Variants in AP1S3 observed in about 807,000 individuals in gnomAD.
AP1S3 encodes adaptor related protein complex 1 subunit sigma 3, also known as AP-1 complex subunit sigma-3.
A neutral mutation model predicts 20.9 loss-of-function variants in AP1S3; 10 were observed. The observed-to-expected ratio is 0.48, with a 90% CI of 0.29 to 0.81. The LOEUF is 0.81. Among genes scored for constraint, AP1S3 ranks in the 30% least tolerant of loss-of-function variants. AP1S3 has a pLI of 0.08. For synonymous variants in AP1S3, 41 were observed against 61.5 expected (o/e 0.67, Z 1.56); for missense variants, 154 against 183.8 (o/e 0.84, Z 0.94).
At position 223,798,266 on chromosome 2, in the gene AP1S3, A is replaced by G. The variant is rs565833746; in HGVS notation, c.4-20397T>C. ...GCCTTTTTCCTGAAATAAAATGTTG[A>G]AAAGACACTGGCCAACATATTTCAA... On this transcript the variant is annotated intron_variant, in intron 1 of 4. Transcript: ENST00000396654. Among the ~76,000 whole-genome samples the G allele has an allele frequency of 1.5e-4, 23 of 152,314 alleles. 1 individual carries two copies. In the South Asian group the frequency reaches 4.8e-3, roughly 32 times the overall value.
intron 1 of AP1S3, among the ~76,000 whole-genome samples, chr2:223,810,778 G>A (rs642611): frequency 2.6e-5 from 4 of 151,876 alleles, no homozygotes; most frequent in Non-Finnish European, 5.9e-5. Context: ...CAACAAATAC[G>A]TTGTGATGAA....
At chr2:223,825,746 G>A (rs908173267) in intron 1 of AP1S3, among the ~76,000 whole-genome samples, 1 of 152,162 alleles carries the variant, frequency 6.6e-6, no homozygotes, top group Non-Finnish European at 1.5e-5. Context: ...GCCGGCCATG[G>A]TGGCTCAGGC....
At chr2:223,817,029 G>A (rs895972983) in intron 1 of AP1S3, among the ~76,000 whole-genome samples, 11 of 152,172 alleles carry the variant, frequency 7.2e-5, no homozygotes, top group Non-Finnish European at 1.6e-4. Flanking sequence ...GGAGGCTGAG[G>A]CAGGAGAATC....
chr2:223,772,402 AAAAACTCCCTACATC>A (rs1044198485), intron 3 of AP1S3, among the ~76,000 whole-genome samples: 3 of 152,108 alleles, frequency 2.0e-5, no homozygotes, highest in African/African-American at 7.2e-5. Context: ...CAAACAAACA[AAAAACTCCCTACATC>A]AAATTCAAAA....
chr2:223,833,056 A>G (rs1257913148), intron 1 of AP1S3, among the ~76,000 whole-genome samples: 1 of 152,110 alleles, frequency 6.6e-6, no homozygotes, highest in African/African-American at 2.4e-5. Flanking sequence ...AAAGGGATCA[A>G]CATTTGAGTT....
In AP1S3 at chr2:223,790,432, G is replaced by A. The variant is rs1439602087; in HGVS notation, c.4-12563C>T. ...GTATTTTTAGCAGAGATGGGGTTTC[G>A]CCATGTTAGCCAGGCTGGTCTCAAA... On this transcript the variant is annotated intron_variant, in intron 1 of 4. Transcript: ENST00000396654. 2.6e-5 allele frequency among the ~76,000 whole-genome samples: 4 copies of A among 151,822 alleles called. No homozygotes were observed. In the East Asian group the frequency reaches 5.8e-4, roughly 22 times the overall value.
Position 223,758,508 on chromosome 2 carries a change from TA to T in AP1S3, c.*206del. 1 of 1,280,174 alleles carries T rather than the reference TA, an allele frequency of 7.8e-7. No homozygotes were observed. Among genetic ancestry groups the T allele is most frequent in the South Asian group, 2.9e-5 (1 of 34,170 alleles). The allele number at this position is 1,280,174 out of a possible 1,614,324, so 79.3% of individuals were successfully genotyped here. A position where few individuals can be genotyped will look rare whatever the true frequency, so the allele number is the denominator to read the frequency against. On this transcript the variant is annotated 3_prime_UTR_variant, in exon 5 of 5. Transcript: ENST00000396654. ...TAGAGCTACAAGTACCTATACAGTA[TA>T]ACACAGACACATAATTTTTTTTAAT...
intron 1 of AP1S3, among the ~76,000 whole-genome samples, chr2:223,789,055 T>G (rs1487153683): frequency 6.6e-6 from 1 of 152,118 alleles, no homozygotes; most frequent in Non-Finnish European, 1.5e-5. Flanking sequence ...AGCACCCTGC[T>G]TCTAACTATG....
chr2:223,759,274 G>A (rs146273178), intron 4 of AP1S3, among the ~76,000 whole-genome samples: 5,999 of 144,430 alleles, frequency 0.042, 291 homozygotes, highest in East Asian at 0.24. Context: ...GTGAGACTCC[G>A]TCTCAAAAAC....
chr2:223,821,388 C>T (rs946859569), intron 1 of AP1S3, among the ~76,000 whole-genome samples: 24 of 152,298 alleles, frequency 1.6e-4, no homozygotes, highest in Admixed American at 3.3e-4. Context: ...AACTCCTGAC[C>T]TCATGATCCA....
At chr2:223,765,411 C>A in intron 3 of AP1S3, 61 bp from the exon 4 acceptor site, 1 of 1,529,570 alleles carries the variant, frequency 6.5e-7, no homozygotes. Context: ...AAACATCTGC[C>A]CGAATCTCGA....
chr2:223,794,199 T>C (rs917741420), intron 1 of AP1S3, among the ~76,000 whole-genome samples: 4 of 152,094 alleles, frequency 2.6e-5, no homozygotes, highest in Non-Finnish European at 4.4e-5. Flanking sequence ...TTTTGAGAAA[T>C]AGCAACTAGC....
intron 1 of AP1S3, among the ~76,000 whole-genome samples, chr2:223,780,359 T>A (rs200143535): frequency 1.1e-3 from 124 of 112,454 alleles, no homozygotes; most frequent in South Asian, 1.2e-3. Flanking sequence ...AGAGAGAGAG[T>A]GTGTGTGTGT....
intron 1 of AP1S3, among the ~76,000 whole-genome samples, chr2:223,817,167 C>T (rs144301197): frequency 1.9e-3 from 288 of 152,190 alleles, no homozygotes; most frequent in Middle Eastern, 6.8e-3. Flanking sequence ...AATTAGGCCT[C>T]CGTATGAGAG....
chr2:223,827,456 C>T (rs1692158993), intron 1 of AP1S3, among the ~76,000 whole-genome samples: 1 of 152,142 alleles, frequency 6.6e-6, no homozygotes. Context: ...GATCTCAGTT[C>T]ACTGCAACCT....
At chr2:223,817,730 T>C (rs1362736910) in intron 1 of AP1S3, among the ~76,000 whole-genome samples, 1 of 151,930 alleles carries the variant, frequency 6.6e-6, no homozygotes, top group African/African-American at 2.4e-5. Context: ...GGAATGGAGA[T>C]AGACACAACA....
chr2:223,815,255 A>T (rs779250708), intron 1 of AP1S3, among the ~76,000 whole-genome samples: 1 of 152,226 alleles, frequency 6.6e-6, no homozygotes, highest in Non-Finnish European at 1.5e-5. Context: ...GAACACAGTC[A>T]TCAGTTCTCC....
Position 223,758,049 on chromosome 2 carries a change from A to G in AP1S3, c.*666T>C. The G allele has an allele frequency of 1.3e-5, 13 of 980,980 alleles. No individual in the cohort carries two copies. The highest frequency in any genetic ancestry group is 1.6e-5 in the Non-Finnish European group (13 of 825,798). The allele number at this position is 980,980 out of a possible 1,614,324, so 60.8% of individuals were successfully genotyped here. ...AATGTCCCTTATATTCAATTAAAAGATAAATTAAAACCTCAGTCAAGATAG... is the reference window on the plus strand; with the variant it reads ...AATGTCCCTTATATTCAATTAAAAGGTAAATTAAAACCTCAGTCAAGATAG... On this transcript the variant is annotated 3_prime_UTR_variant, in exon 5 of 5. Transcript: ENST00000396654.
chr2:223,765,058 T>A, intron 4 of AP1S3, 155 bp downstream of exon 4: 1 of 1,097,232 alleles, frequency 9.1e-7, no homozygotes, highest in Non-Finnish European at 1.2e-6. Context: ...TTTCGAGTTG[T>A]TGTGAGGATT....
Sources: allele counts gnomAD v4.1 joint callset (sites outside exome capture counted in the v4.1 genomes callset), GRCh38; gene constraint gnomAD v4.1.1; transcripts MANE v1.5; gene names NCBI Gene and HGNC (gene_info 2026-07-23, HGNC 2026-07-21).